Variants in HTR2C observed in about 807,000 individuals in gnomAD.
The protein encoded by HTR2C is 5-hydroxytryptamine receptor 2C, also known as 5-hydroxytryptamine (serotonin) receptor 2C, G protein-coupled.
In HTR2C, 5 loss-of-function variants were observed where a neutral mutation model predicts 21.0. The observed-to-expected ratio is 0.24, with a 90% CI of 0.12 to 0.50. The LOEUF is 0.50. Ranked by LOEUF, HTR2C falls within the 20% of genes least tolerant of loss-of-function variation. The pLI, the probability that HTR2C is intolerant of heterozygous loss-of-function variation, is 0.98. For missense variants in HTR2C, 271 were observed against 371.2 expected, an observed-to-expected ratio of 0.73 and a Z score of 2.22; for synonymous variants, 150 against 145.3, an observed-to-expected ratio of 1.03 and a Z score of -0.23.
At chrX:114,883,045 C>T (rs2071193760) in intron 5 of HTR2C, among the ~76,000 whole-genome samples, 1 of 110,061 alleles carries the variant, frequency 9.1e-6, no homozygotes, top group Admixed American at 9.7e-5. Context: ...AGTGTGTTTA[C>T]TTGGTATACG....
intron 4 of HTR2C, among the ~76,000 whole-genome samples, chrX:114,784,080 G>A (rs370637759): frequency 6.7e-5 from 7 of 103,746 alleles, no homozygotes; most frequent in African/African-American, 2.5e-4. Flanking sequence ...AAAGACATGA[G>A]CAGAAATTAA....
rs138147421 is a variant in HTR2C, at chrX:114,672,508, G to C, written c.-79-54350G>C. Among the ~76,000 whole-genome samples the C allele has an allele frequency of 5.4e-5, 6 of 111,686 alleles. No individual in the cohort carries two copies. The South Asian group carries it at 2.2e-3, about 41-fold the overall frequency. On this transcript the variant is annotated intron_variant, in intron 2 of 5. Transcript: ENST00000276198. ...CTTAAGCTAAATTATTTTTTAAAGGGGTATGCTATCTATAAGACTTGGGCA... is the reference window on the plus strand; with the variant it reads ...CTTAAGCTAAATTATTTTTTAAAGGCGTATGCTATCTATAAGACTTGGGCA...
intron 5 of HTR2C, among the ~76,000 whole-genome samples, chrX:114,866,611 T>C (rs1280847503): frequency 3.7e-5 from 4 of 109,306 alleles, no homozygotes; most frequent in Non-Finnish European, 7.6e-5. Context: ...CTATTTTTTT[T>C]TGTACCCGTT....
At chrX:114,642,595 A>T (rs1433521890) in intron 2 of HTR2C, among the ~76,000 whole-genome samples, 1 of 112,007 alleles carries the variant, frequency 8.9e-6, no homozygotes, top group Non-Finnish European at 1.9e-5. Context: ...GGTAGATGCC[A>T]GTCAGATTAA....
At chrX:114,843,666 C>T (rs782737921) in intron 4 of HTR2C, among the ~76,000 whole-genome samples, 8 of 111,304 alleles carry the variant, frequency 7.2e-5, no homozygotes, top group Admixed American at 2.9e-4. Flanking sequence ...CCAAAATATC[C>T]AAACCAAGGT....
At chrX:114,665,359 A>G (rs1467239470) in intron 2 of HTR2C, among the ~76,000 whole-genome samples, 1 of 112,036 alleles carries the variant, frequency 8.9e-6, no homozygotes, top group Non-Finnish European at 1.9e-5. Flanking sequence ...CAACTGTAGT[A>G]GCTAAATCCA....
At chrX:114,717,053 GA>G (rs782124111) in intron 2 of HTR2C, among the ~76,000 whole-genome samples, 12 of 111,112 alleles carry the variant, frequency 1.1e-4, no homozygotes, top group Non-Finnish European at 2.3e-4. Context: ...AAGTGAGACA[GA>G]AGTGATCTAG....
intron 4 of HTR2C, among the ~76,000 whole-genome samples, chrX:114,756,306 A>T (rs1312143899): frequency 1.8e-5 from 2 of 111,794 alleles, no homozygotes; most frequent in Non-Finnish European, 3.8e-5. Context: ...TACAAACCTA[A>T]ACAAACAACT....
chrX:114,649,023 C>T (rs918293293), intron 2 of HTR2C, among the ~76,000 whole-genome samples: 1 of 111,674 alleles, frequency 9.0e-6, no homozygotes, highest in East Asian at 2.8e-4. Flanking sequence ...ACGCTACATA[C>T]GGATACTTTA....
intron 4 of HTR2C, among the ~76,000 whole-genome samples, chrX:114,807,544 T>C (rs1388511888): frequency 9.5e-6 from 1 of 105,645 alleles, no homozygotes; most frequent in Non-Finnish European, 1.9e-5. Flanking sequence ...ATATGGTACA[T>C]AAGATATTTT....
At chrX:114,685,454 G>C (rs1181554878) in intron 2 of HTR2C, among the ~76,000 whole-genome samples, 3 of 112,198 alleles carry the variant, frequency 2.7e-5, no homozygotes, top group Admixed American at 9.5e-5. Flanking sequence ...GAATTCATTA[G>C]TGAAGTGCTA....
chrX:114,866,643 C>G (rs1023507819), intron 5 of HTR2C, among the ~76,000 whole-genome samples: 1 of 109,941 alleles, frequency 9.1e-6, no homozygotes, highest in East Asian at 2.9e-4. Flanking sequence ...TCTCTCCCCC[C>G]ACAACCACCA....
chrX:114,632,431 G>A (rs1929667993), intron 2 of HTR2C, among the ~76,000 whole-genome samples: 1 of 111,082 alleles, frequency 9.0e-6, no homozygotes, highest in South Asian at 3.8e-4. Context: ...TACACAATCT[G>A]CATTTCATTT....
At chrX:114,898,798 C>T (rs1556484655) in intron 5 of HTR2C, among the ~76,000 whole-genome samples, 1 of 111,407 alleles carries the variant, frequency 9.0e-6, no homozygotes, top group Non-Finnish European at 1.9e-5. Flanking sequence ...TTACTGTGGC[C>T]GAATAGTATA....
At chrX:114,826,013 C>T (rs1012728175) in intron 4 of HTR2C, among the ~76,000 whole-genome samples, 1 of 110,414 alleles carries the variant, frequency 9.1e-6, no homozygotes, top group Admixed American at 9.8e-5. Flanking sequence ...TTTATCCATA[C>T]TTTTATTATA....
chrX:114,799,974 T>G (rs1261996797), intron 4 of HTR2C, among the ~76,000 whole-genome samples: 1 of 111,394 alleles, frequency 9.0e-6, no homozygotes, highest in Non-Finnish European at 1.9e-5. Context: ...TGATATTCAT[T>G]TAGGGCCCAC....
intron 1 of HTR2C, among the ~76,000 whole-genome samples, 180 bp downstream of exon 1, chrX:114,584,839 G>C (rs1274651448): frequency 9.1e-6 from 1 of 110,133 alleles, no homozygotes; most frequent in Non-Finnish European, 1.9e-5. Context: ...GTCTCTGGAA[G>C]AAGAGAGGAG....
intron 5 of HTR2C, among the ~76,000 whole-genome samples, chrX:114,896,558 G>A (rs1556484120): frequency 1.8e-5 from 2 of 112,000 alleles, no homozygotes; most frequent in African/African-American, 6.5e-5. Context: ...GGATTTGTAT[G>A]CCTTTTGAAT....
chrX:114,757,097 G>T (rs2428709), intron 4 of HTR2C, among the ~76,000 whole-genome samples: 1 of 108,822 alleles, frequency 9.2e-6, no homozygotes, highest in African/African-American at 3.3e-5. Context: ...TTAAATGTTG[G>T]CAGCAGAAAA....
Sources: gnomAD v4.1 joint callset for allele counts (sites outside exome capture counted in the v4.1 genomes callset) on GRCh38, gnomAD v4.1.1 for gene constraint, MANE v1.5 for transcripts, NCBI Gene and HGNC (gene_info 2026-07-23, HGNC 2026-07-21) for gene names.